The following MPHOSPH9 variants were observed in gnomAD, a reference collection of about 807,000 sequenced individuals.
MPHOSPH9 encodes M-phase phosphoprotein 9.
MPHOSPH9 carries 88 observed loss-of-function variants against 145.5 expected under a neutral mutation model. The observed-to-expected ratio is 0.60, with a 90% CI of 0.51 to 0.72. The LOEUF (loss-of-function observed/expected upper bound fraction) is 0.72. MPHOSPH9 is among the 30% of genes least tolerant of loss of function. The pLI, the probability that MPHOSPH9 is intolerant of heterozygous loss-of-function variation, is 0.00. For missense variants in MPHOSPH9, 1,238 were observed against 1,386.6 expected, an observed-to-expected ratio of 0.89 and a Z score of 1.70; for synonymous variants, 435 against 486.2, an observed-to-expected ratio of 0.89 and a Z score of 1.39.
chr12:123,169,752 CACT>C (rs1356326045), intron 16 of MPHOSPH9, among the ~76,000 whole-genome samples: 4 of 151,774 alleles, frequency 2.6e-5, no homozygotes, highest in Admixed American at 2.6e-4. Context: ...AGGGGCCCAC[CACT>C]GTGCCCAGCT....
At chr12:123,173,623 C>T (rs534805721) in intron 16 of MPHOSPH9, among the ~76,000 whole-genome samples, 2 of 152,212 alleles carry the variant, frequency 1.3e-5, no homozygotes, top group East Asian at 1.9e-4. Context: ...CAGGCCTGTC[C>T]AATGAAACCT....
intron 13 of MPHOSPH9, among the ~76,000 whole-genome samples, chr12:123,184,220 A>C (rs1004804041): frequency 3.9e-5 from 6 of 152,036 alleles, no homozygotes. Flanking sequence ...TAAATATATT[A>C]ACAAATAATT....
chr12:123,230,983 T>C (rs914321968), intron 1 of MPHOSPH9, among the ~76,000 whole-genome samples: 3 of 152,206 alleles, frequency 2.0e-5, no homozygotes, highest in African/African-American at 7.2e-5. Context: ...TGGTGATGGC[T>C]GCACAACCTT....
intron 22 of MPHOSPH9, 133 bp downstream of exon 22, chr12:123,161,003 C>G (rs990241729): frequency 1.5e-6 from 2 of 1,346,646 alleles, no homozygotes; most frequent in African/African-American, 2.9e-5. Flanking sequence ...GGCTCAAATC[C>G]GTTGCTAGCA....
intron 13 of MPHOSPH9, among the ~76,000 whole-genome samples, chr12:123,192,954 C>T (rs559593870): frequency 2.6e-5 from 4 of 151,320 alleles, no homozygotes; most frequent in African/African-American, 9.7e-5. Flanking sequence ...CGCCTGTACT[C>T]CCAGCTACTC....
intron 16 of MPHOSPH9, among the ~76,000 whole-genome samples, chr12:123,168,059 ACCTACGAT>A (rs1194189337): frequency 6.6e-6 from 1 of 152,128 alleles, no homozygotes; most frequent in African/African-American, 2.4e-5. Context: ...CAGCAACGTG[ACCTACGAT>A]CCTTGGCCTC....
rs773329281 is a variant in MPHOSPH9, at chr12:123,165,424, A to G, written c.2645T>C (p.Leu882Ser). The change falls in exon 18 of 24, where the codon TTG (leucine) becomes TCG (serine). Residue 882 changes from leucine (L) to serine (S), a missense_variant. Physicochemically the swap from Leu to Ser is moderately radical, Grantham distance 145. This residue lies in a region of MPHOSPH9 where 393 missense variants were observed against 462.5 expected (regional missense o/e 0.85). Coordinates refer to ENST00000606320, the MANE Select transcript of MPHOSPH9 (RefSeq NM_022782.4). The stretch of plus-strand genomic sequence containing the variant: ...AGTCTCTCTTTGCTTTTTTATCAAC[A>G]AGCTTGTTGATGAACTTCCAGGTGA... ...DSSPGSSSTS[L>S]LIKKQRETSD... 13 of 1,613,894 alleles carry G rather than the reference A, an allele frequency of 8.1e-6. No individual in the cohort carries two copies. The highest frequency in any genetic ancestry group is 1.0e-5 in the Non-Finnish European group (12 of 1,179,966).
chr12:123,153,901 T>C (rs2043815262), downstream of MPHOSPH9, among the ~76,000 whole-genome samples: 1 of 150,192 alleles, frequency 6.7e-6, no homozygotes, highest in Admixed American at 6.7e-5. Flanking sequence ...AGGAGTTTTC[T>C]TATTTCATCT....
chr12:123,160,985 G>T, intron 22 of MPHOSPH9, 136 bp from the exon 23 acceptor site: 1 of 1,322,386 alleles, frequency 7.6e-7, no homozygotes, highest in Non-Finnish European at 1.0e-6. Context: ...AATTAGTAAC[G>T]ACCACATGGC....
In MPHOSPH9 at chr12:123,156,830, A is replaced by C. The variant is rs753645165; in HGVS notation, c.3529T>G (p.Leu1177Val). 1 of 1,612,292 alleles carries C rather than the reference A, an allele frequency of 6.2e-7. No homozygotes were observed. The highest frequency in any genetic ancestry group is 1.1e-5 in the South Asian group (1 of 90,980). ...VRMTLKKFHV[L>V]RTSANL ...TCTCAAAGATTTGCAGAGGTGCGCA[A>C]AACATGGAATTTCTTTAGCGTCATG... The change falls in exon 24 of 24, where the codon TTG (leucine) becomes GTG (valine). Residue 1177 changes from leucine to valine, a missense_variant. Leu to Val is a conservative substitution (Grantham distance 32, BLOSUM62 1). This residue lies in a region of MPHOSPH9 where 393 missense variants were observed against 462.5 expected (regional missense o/e 0.85). Coordinates refer to ENST00000606320, the MANE Select transcript of MPHOSPH9 (RefSeq NM_022782.4).
chr12:123,164,013 G>T lies in MPHOSPH9; in HGVS notation c.2845C>A (p.Leu949Ile). 1 of 1,614,158 alleles carries T rather than the reference G, an allele frequency of 6.2e-7. No individual in the cohort carries two copies. Among genetic ancestry groups the T allele is most frequent in the Non-Finnish European group, 8.5e-7 (1 of 1,180,012 alleles). ...GATGATCTCTGTGAGGCCGAATTAA[G>T]TCTCTTTTGTCTCTGTTGGGCACAC... ...EKCAQQRQKR[L>I]NSASQRSSSL... The change falls in exon 19 of 24, where the codon CTT becomes ATT. Residue 949 changes from leucine (L) to isoleucine (I), a missense_variant. Leu to Ile is a conservative substitution (Grantham distance 5, BLOSUM62 2). Coordinates refer to ENST00000606320, the MANE Select transcript of MPHOSPH9 (RefSeq NM_022782.4).
intron 8 of MPHOSPH9, among the ~76,000 whole-genome samples, chr12:123,207,646 G>C (rs2046493953): frequency 6.6e-6 from 1 of 152,042 alleles, no homozygotes; most frequent in Non-Finnish European, 1.5e-5. Context: ...CTGAGGTCAG[G>C]AGTTCGAGAG....
rs190020023 is a variant in MPHOSPH9 at position 123,220,777 on chromosome 12, T to C, written c.872+595A>G. Among the ~76,000 whole-genome samples, 223 of 151,356 alleles carry C rather than the reference T, an allele frequency of 1.5e-3. 1 individual carries two copies. The highest frequency in any genetic ancestry group is 5.0e-3 in the African/African-American group (207 of 41,264). ...ACCTTTAAGAAAAAAAAATTGTGGCTGGGCGAGGTGGCTCACACCTGTAAT... is the reference window on the plus strand; with the variant it reads ...ACCTTTAAGAAAAAAAAATTGTGGCCGGGCGAGGTGGCTCACACCTGTAAT... On this transcript the variant is annotated intron_variant, in intron 5 of 23. Coordinates refer to ENST00000606320, the MANE Select transcript of MPHOSPH9 (RefSeq NM_022782.4).
intron 16 of MPHOSPH9, among the ~76,000 whole-genome samples, chr12:123,172,752 A>C (rs754100390): frequency 6.6e-5 from 10 of 152,038 alleles, no homozygotes; most frequent in Non-Finnish European, 1.3e-4. Context: ...ATGTGGCCCC[A>C]CAGGCTGGGG....
chr12:123,224,129 C>A (rs755073748), intron 3 of MPHOSPH9, among the ~76,000 whole-genome samples: 149 of 122,592 alleles, frequency 1.2e-3, no homozygotes, highest in Middle Eastern at 4.3e-3. Flanking sequence ...TATATATACA[C>A]ATTTTTTTTT....
chr12:123,218,262 A>G, intron 6 of MPHOSPH9, 114 bp downstream of exon 6: 1 of 1,437,294 alleles, frequency 7.0e-7, no homozygotes, highest in East Asian at 2.4e-5. Flanking sequence ...AAATGTATAA[A>G]TGAACAAATT....
intron 13 of MPHOSPH9, among the ~76,000 whole-genome samples, chr12:123,193,106 T>TACACACAC (rs1425195261): frequency 3.1e-5 from 3 of 97,258 alleles, no homozygotes; most frequent in African/African-American, 1.4e-4. Context: ...AATATATATA[T>TACACACAC]ATACACACAC....
chr12:123,197,394 A>C (rs1285717951), intron 12 of MPHOSPH9, among the ~76,000 whole-genome samples: 1 of 151,628 alleles, frequency 6.6e-6, no homozygotes, highest in African/African-American at 2.4e-5. Flanking sequence ...CTGGTCTCGA[A>C]CTCCTGGGCT....
intron 16 of MPHOSPH9, among the ~76,000 whole-genome samples, chr12:123,174,275 C>A (rs1224638758): frequency 6.6e-6 from 1 of 152,136 alleles, no homozygotes; most frequent in Non-Finnish European, 1.5e-5. Flanking sequence ...CTATCCAACA[C>A]CAGTGTCAGA....
Sources: gnomAD v4.1 joint callset for allele counts (sites outside exome capture counted in the v4.1 genomes callset) on GRCh38, gnomAD v4.1.1 for gene constraint, gnomAD v4.1.1 regional missense constraint, MANE v1.5 for transcripts, NCBI Gene and HGNC (gene_info 2026-07-23, HGNC 2026-07-21) for gene names.